DOCK3: variants seen among roughly 807,000 people sequenced by gnomAD.
DOCK3 encodes dedicator of cytokinesis protein 3.
DOCK3 carries 60 observed loss-of-function variants against 265.6 expected under a neutral mutation model. That is an observed-to-expected ratio of 0.23 (90% confidence interval 0.18 to 0.28). The LOEUF is 0.28. DOCK3 is among the 10% of genes least tolerant of loss of function. The probability of loss-of-function intolerance (pLI) is 1.00; values close to 1 mark genes in which losing one functional copy is unlikely to be tolerated. For missense variants in DOCK3, 1,981 were observed against 2,594.3 expected (o/e 0.76, Z 5.14); for synonymous variants, 881 against 938.0 (o/e 0.94, Z 1.11).
rs113643287 is a variant in DOCK3, at chr3:50,768,045, A to G, written c.38-10630A>G. 2.8e-3 allele frequency among the ~76,000 whole-genome samples: 430 copies of G among 152,314 alleles called. 3 individuals are homozygous for G. Among genetic ancestry groups the G allele is most frequent in the African/African-American group, 9.8e-3 (408 of 41,568 alleles). Reference sequence around the variant, plus strand: ...GATGATGGGGTTTTCTAAATATACAATCATGCCGTCTGCAAACAGGGACAA... The same window carrying G: ...GATGATGGGGTTTTCTAAATATACAGTCATGCCGTCTGCAAACAGGGACAA... On this transcript the variant is annotated intron_variant, in intron 1 of 52. Coordinates refer to ENST00000266037, the MANE Select transcript of DOCK3 (RefSeq NM_004947.5).
At chr3:51,337,826 G>A (rs1199186301) in intron 35 of DOCK3, among the ~76,000 whole-genome samples, 7 of 152,154 alleles carry the variant, frequency 4.6e-5, no homozygotes, top group African/African-American at 1.4e-4. Context: ...CTTTAAGCAC[G>A]AGACCTGCTG....
chr3:51,113,126 G>C (rs2109859152), intron 9 of DOCK3, among the ~76,000 whole-genome samples: 1 of 152,248 alleles, frequency 6.6e-6, no homozygotes, highest in East Asian at 1.9e-4. Flanking sequence ...AAACAAGACA[G>C]AGAAAATCCC....
chr3:50,809,143 C>G (rs527528487), intron 2 of DOCK3, among the ~76,000 whole-genome samples: 1 of 151,932 alleles, frequency 6.6e-6, no homozygotes, highest in African/African-American at 2.4e-5. Flanking sequence ...TTCAAAAGAT[C>G]GTTAAGTAGA....
chr3:50,726,490 T>C (rs533909994), intron 1 of DOCK3, among the ~76,000 whole-genome samples: 1 of 152,334 alleles, frequency 6.6e-6, no homozygotes, highest in East Asian at 1.9e-4. Context: ...TTGACTGATC[T>C]TCCGGCTCTG....
In DOCK3 at chr3:51,225,792, T is replaced by C; in HGVS notation, c.1377+19T>C. On this transcript the variant is annotated intron_variant, in intron 15 of 52. Transcript: ENST00000266037. ...CTTGAAGGTAAGGCTTGCCAGTCAG[T>C]CATTTGGGTTGGAGGATAATCCTAT... 1 of 1,605,430 alleles carries C rather than the reference T, an allele frequency of 6.2e-7. No individual in the cohort carries two copies.
At chr3:51,247,920 G>C (rs1293587409) in intron 22 of DOCK3, among the ~76,000 whole-genome samples, 4 of 152,216 alleles carry the variant, frequency 2.6e-5, no homozygotes, top group Non-Finnish European at 5.9e-5. Flanking sequence ...CACAATATTT[G>C]AGTGGATAAA....
chr3:50,936,330 C>T (rs1236044014), intron 5 of DOCK3, among the ~76,000 whole-genome samples: 1 of 151,272 alleles, frequency 6.6e-6, no homozygotes. Context: ...AGATGTAACA[C>T]TGTAGCCTCA....
chr3:51,111,629 G>A (rs1409247808), intron 9 of DOCK3, among the ~76,000 whole-genome samples: 3 of 152,038 alleles, frequency 2.0e-5, no homozygotes, highest in African/African-American at 7.2e-5. Flanking sequence ...GACAACCTAG[G>A]CAATACCATT....
At chr3:51,227,471 A>C (rs756519916) in intron 16 of DOCK3, 26 bp downstream of exon 16, 2 of 1,613,100 alleles carry the variant, frequency 1.2e-6, no homozygotes, top group East Asian at 4.5e-5. Context: ...CCCCCTCCAC[A>C]TTCCCTTGAG....
At chr3:50,913,206 C>A (rs770100606) in intron 4 of DOCK3, among the ~76,000 whole-genome samples, 1 of 151,920 alleles carries the variant, frequency 6.6e-6, no homozygotes, top group Non-Finnish European at 1.5e-5. Flanking sequence ...TTCAAGGCTG[C>A]GGGTTTTCTT....
intron 1 of DOCK3, among the ~76,000 whole-genome samples, chr3:50,723,064 TGCCTGGCC>T (rs1465959044): frequency 6.6e-6 from 1 of 152,116 alleles, no homozygotes; most frequent in African/African-American, 2.4e-5. Flanking sequence ...TGGACCACCA[TGCCTGGCC>T]TCAGATGGAG....
Position 50,761,869 on chromosome 3 carries a change from A to G in DOCK3, c.38-16806A>G, listed in dbSNP as rs919773169. Among the ~76,000 whole-genome samples, 25 of 152,370 alleles carry G rather than the reference A, an allele frequency of 1.6e-4. No homozygotes were observed. The East Asian group carries it at 2.1e-3, about 13-fold the overall frequency. ...ACTTGGAACCAACCAAATGTCCACA[A>G]TGATAGACTGGATTAAGAAAATGTG... On this transcript the variant is annotated intron_variant, in intron 1 of 52. Transcript: ENST00000266037.
intron 5 of DOCK3, among the ~76,000 whole-genome samples, chr3:51,013,031 T>C (rs1026746969): frequency 2.6e-5 from 4 of 152,168 alleles, no homozygotes; most frequent in African/African-American, 7.2e-5. Context: ...CACTGTTTAT[T>C]CTAGTTAGCC....
chr3:51,142,565 A>C (rs1425308591), intron 9 of DOCK3, among the ~76,000 whole-genome samples: 1 of 152,036 alleles, frequency 6.6e-6, no homozygotes, highest in East Asian at 1.9e-4. Flanking sequence ...TATACATCCC[A>C]GTAGTTTGTT....
intron 1 of DOCK3, among the ~76,000 whole-genome samples, chr3:50,730,373 C>T (rs1180728371): frequency 6.6e-6 from 1 of 152,080 alleles, no homozygotes; most frequent in Non-Finnish European, 1.5e-5. Context: ...AAACTGCTGA[C>T]CTCAAGTGAT....
At chr3:50,765,560 G>C (rs1292623749) in intron 1 of DOCK3, among the ~76,000 whole-genome samples, 5 of 151,686 alleles carry the variant, frequency 3.3e-5, no homozygotes, top group Non-Finnish European at 7.4e-5. Context: ...TTTTCTAGCA[G>C]GTATAATTTA....
chr3:50,907,894 C>T (rs1283545820), intron 4 of DOCK3, among the ~76,000 whole-genome samples: 2 of 151,940 alleles, frequency 1.3e-5, no homozygotes, highest in Non-Finnish European at 2.9e-5. Flanking sequence ...GCCTCAATTT[C>T]AGAGCTTGTT....
intron 13 of DOCK3, among the ~76,000 whole-genome samples, chr3:51,210,710 A>G (rs186090113): frequency 6.6e-6 from 1 of 152,340 alleles, no homozygotes; most frequent in Admixed American, 6.5e-5. Flanking sequence ...TTAATTAAAG[A>G]TACATCTTTA....
At chr3:51,069,539 T>C (rs2081760856) in intron 6 of DOCK3, among the ~76,000 whole-genome samples, 1 of 149,080 alleles carries the variant, frequency 6.7e-6, no homozygotes, top group Admixed American at 6.6e-5. Context: ...TGTGTGTATA[T>C]ATGTGTGTAT....
Sources: gnomAD v4.1 joint callset for allele counts (sites outside exome capture counted in the v4.1 genomes callset) on GRCh38, gnomAD v4.1.1 for gene constraint, MANE v1.5 for transcripts, NCBI Gene and HGNC (gene_info 2026-07-23, HGNC 2026-07-21) for gene names.